The following SLC4A4 variants were observed in gnomAD, a reference collection of about 807,000 sequenced individuals.
SLC4A4 encodes solute carrier family 4 member 4.
Under a neutral mutation model 111.5 loss-of-function variants are expected in SLC4A4, and 27 were observed. That is an observed-to-expected ratio of 0.24 (90% CI 0.18 to 0.33). The LOEUF is 0.33. Among genes scored for constraint, SLC4A4 ranks in the 10% least tolerant of loss-of-function variants. The pLI, the probability that SLC4A4 is intolerant of heterozygous loss-of-function variation, is 1.00. For missense variants in SLC4A4, 909 were observed against 1,315.5 expected, an observed-to-expected ratio of 0.69 and a Z score of 4.78; for synonymous variants, 443 against 463.4, an observed-to-expected ratio of 0.96 and a Z score of 0.57.
intron 17 of SLC4A4, among the ~76,000 whole-genome samples, chr4:71,533,059 C>T (rs1335484630): frequency 6.6e-6 from 1 of 152,100 alleles, no homozygotes; most frequent in East Asian, 1.9e-4. Flanking sequence ...AATCCTCCTT[C>T]CCTCCACTAC....
intron 2 of SLC4A4, among the ~76,000 whole-genome samples, chr4:71,140,131 C>A (rs1009674424): frequency 6.6e-6 from 1 of 152,092 alleles, no homozygotes; most frequent in African/African-American, 2.4e-5. Flanking sequence ...TAAACAAAAT[C>A]TCTGCTGGCC....
chr4:71,420,971 A>C (rs1722408223), intron 7 of SLC4A4, among the ~76,000 whole-genome samples: 1 of 148,114 alleles, frequency 6.8e-6, no homozygotes, highest in African/African-American at 2.5e-5. Context: ...ACAGGATCCA[A>C]TTCACACATA....
chr4:71,209,157 C>T (rs1333667105), intron 1 of SLC4A4, among the ~76,000 whole-genome samples: 2 of 152,130 alleles, frequency 1.3e-5, no homozygotes, highest in African/African-American at 4.8e-5. Flanking sequence ...ATTTTTTCCC[C>T]CCATGCTCAA....
At chr4:71,102,376 A>G (rs1742774902) in intron 2 of SLC4A4, among the ~76,000 whole-genome samples, 1 of 150,676 alleles carries the variant, frequency 6.6e-6, no homozygotes, top group South Asian at 2.1e-4. Context: ...AACTTCCCCA[A>G]TCTAGCAAGG....
At chr4:71,439,894 G>T (rs562749383) in intron 7 of SLC4A4, among the ~76,000 whole-genome samples, 1 of 151,634 alleles carries the variant, frequency 6.6e-6, no homozygotes, top group African/African-American at 2.4e-5. Context: ...CCTACAATCT[G>T]GTTCACCCCT....
intron 18 of SLC4A4, among the ~76,000 whole-genome samples, chr4:71,544,434 G>C (rs1255043528): frequency 6.6e-6 from 1 of 151,782 alleles, no homozygotes; most frequent in Non-Finnish European, 1.5e-5. Flanking sequence ...GCATGAGAGA[G>C]ATTAAAGATG....
At chr4:71,385,171 TTATATA>T (rs199563560) in intron 6 of SLC4A4, among the ~76,000 whole-genome samples, 1 of 40,014 alleles carries the variant, frequency 2.5e-5, no homozygotes, top group African/African-American at 7.1e-5. Context: ...TAGGTTAGAT[TTATATA>T]TATATATATA....
intron 13 of SLC4A4, among the ~76,000 whole-genome samples, chr4:71,468,878 C>T (rs1270759831): frequency 6.6e-6 from 1 of 151,900 alleles, no homozygotes; most frequent in Non-Finnish European, 1.5e-5. Context: ...TTTGTCTTGC[C>T]CAGATTTTCC....
At chr4:71,367,410 G>A (rs1201943649) in intron 6 of SLC4A4, among the ~76,000 whole-genome samples, 3 of 152,182 alleles carry the variant, frequency 2.0e-5, no homozygotes, top group African/African-American at 7.2e-5. Flanking sequence ...TCACTGATCT[G>A]GCATTTCACT....
chr4:71,080,320 C>A (rs538128485), intron 1 of SLC4A4, among the ~76,000 whole-genome samples: 1 of 152,176 alleles, frequency 6.6e-6, no homozygotes, highest in African/African-American at 2.4e-5. Flanking sequence ...CGTGCACTCT[C>A]TCTTTGCTGT....
At position 71,201,435 on chromosome 4, in the gene SLC4A4, C is replaced by T. The variant is rs547332542; in HGVS notation, c.-2+14034C>T. On this transcript the variant is annotated intron_variant, in intron 1 of 25. Coordinates refer to ENST00000264485, the MANE Select transcript of SLC4A4 (RefSeq NM_001098484.3). ...GAGCTGAGCGTCATCAATGAACACT[C>T]CACCAGCTGGGGAAGCACCTCTGTT... Among the ~76,000 whole-genome samples, 6 of 152,312 alleles carry T rather than the reference C, an allele frequency of 3.9e-5. No individual in the cohort carries two copies. In the South Asian group the frequency reaches 1.2e-3, roughly 32 times the overall value.
chr4:71,566,980 T>A (rs1423363157), intron 24 of SLC4A4, 24 bp from the exon 25 acceptor site: 1 of 1,598,184 alleles, frequency 6.3e-7, no homozygotes, highest in African/African-American at 1.3e-5. Context: ...ACCATTTATG[T>A]TTTTAAAAAA....
At chr4:71,117,699 A>G (rs1743304964) in intron 2 of SLC4A4, among the ~76,000 whole-genome samples, 1 of 152,168 alleles carries the variant, frequency 6.6e-6, no homozygotes, top group Admixed American at 6.5e-5. Context: ...ATAATGATTT[A>G]TCTTTCTAAG....
chr4:71,453,387 G>T (rs535816729), intron 11 of SLC4A4, 108 bp from the exon 12 acceptor site: 2 of 1,113,024 alleles, frequency 1.8e-6, no homozygotes, highest in African/African-American at 3.1e-5. Context: ...TCTTGTCACT[G>T]ATTCAAGCAT....
At chr4:71,383,556 T>C (rs1718367653) in intron 6 of SLC4A4, among the ~76,000 whole-genome samples, 1 of 152,094 alleles carries the variant, frequency 6.6e-6, no homozygotes, top group Non-Finnish European at 1.5e-5. Flanking sequence ...AAATGGTGAG[T>C]ATATGGGATC....
Position 71,336,697 on chromosome 4 carries a change from T to A in SLC4A4, c.254-2673T>A, listed in dbSNP as rs140638878. ...CTCCTAAAACTCCTTGAATGTGAAG[T>A]TTTTAGCCAGTATCACTTTCTCTAG... On this transcript the variant is annotated intron_variant, in intron 3 of 25. Coordinates refer to ENST00000264485, the MANE Select transcript of SLC4A4 (RefSeq NM_001098484.3). 2.0e-3 allele frequency among the ~76,000 whole-genome samples: 307 copies of A among 152,252 alleles called. 1 individual carries two copies. Among genetic ancestry groups the A allele is most frequent in the African/African-American group, 7.1e-3 (293 of 41,538 alleles).
At chr4:71,078,127 A>G (rs1741894779) in intron 1 of SLC4A4, among the ~76,000 whole-genome samples, 1 of 152,194 alleles carries the variant, frequency 6.6e-6, no homozygotes, top group Admixed American at 6.5e-5. Context: ...CAGGAGTACT[A>G]TGGTCTCATA....
chr4:71,164,933 C>G (rs1013666808), intron 2 of SLC4A4, among the ~76,000 whole-genome samples: 1 of 151,998 alleles, frequency 6.6e-6, no homozygotes, highest in South Asian at 2.1e-4. Context: ...ATTTATGTGG[C>G]CAACAAATAT....
intron 21 of SLC4A4, among the ~76,000 whole-genome samples, chr4:71,557,005 A>G (rs1560619161): frequency 6.6e-6 from 1 of 151,930 alleles, no homozygotes; most frequent in Non-Finnish European, 1.5e-5. Context: ...TCTTTGAAGC[A>G]CAGCACCTGA....
Sources: gnomAD v4.1 joint callset for allele counts (sites outside exome capture counted in the v4.1 genomes callset) on GRCh38, gnomAD v4.1.1 for gene constraint, MANE v1.5 for transcripts, NCBI Gene and HGNC (gene_info 2026-07-23, HGNC 2026-07-21) for gene names.